NUP210: variants seen among roughly 807,000 people sequenced by gnomAD.
NUP210 encodes nucleoporin 210.
NUP210 carries 151 observed loss-of-function variants against 196.0 expected under a neutral mutation model. That is an observed-to-expected ratio of 0.77 (90% CI 0.67 to 0.88). The LOEUF (loss-of-function observed/expected upper bound fraction) is 0.88. Among genes scored for constraint, NUP210 ranks in the 40% least tolerant of loss-of-function variants. The pLI is 0.00. For synonymous variants in NUP210, 1,070 were observed against 1,052.7 expected (o/e 1.02, Z -0.32); for missense variants, 2,314 against 2,493.7 (o/e 0.93, Z 1.53).
At chr3:13,383,074 G>A (rs1163979748) in intron 6 of NUP210, among the ~76,000 whole-genome samples, 2 of 152,072 alleles carry the variant, frequency 1.3e-5, no homozygotes, top group African/African-American at 2.4e-5. Context: ...AGCCTGGGAG[G>A]TCAAAGCTGC....
intron 28 of NUP210, among the ~76,000 whole-genome samples, chr3:13,333,745 C>T (rs933520639): frequency 1.3e-5 from 2 of 152,228 alleles, no homozygotes; most frequent in African/African-American, 4.8e-5. Context: ...CTGAGTCTGA[C>T]TCGGACACAC....
At position 13,350,533 on chromosome 3, in the gene NUP210, A is replaced by T. The variant is rs1194816995; in HGVS notation, c.2835+1346T>A. On this transcript the variant is annotated intron_variant, in intron 20 of 39. Coordinates refer to ENST00000254508, the MANE Select transcript of NUP210 (RefSeq NM_024923.4). The surrounding 1 kb of genome is among the most constrained non-coding windows in gnomAD (Gnocchi z 4.1). ...CCGTACTCCAGAAAAAAGGCAGATG[A>T]CAGAAACTGTCTGTGAGGGCCACCA... is the stretch of plus-strand genomic sequence containing the variant. Among the ~76,000 whole-genome samples the T allele has an allele frequency of 6.6e-6, 1 of 152,138 alleles. No homozygotes were observed. Among genetic ancestry groups the T allele is most frequent in the African/African-American group, 2.4e-5 (1 of 41,414 alleles).
At chr3:13,349,212 C>T (rs1054022851) in intron 20 of NUP210, among the ~76,000 whole-genome samples, 1 of 152,178 alleles carries the variant, frequency 6.6e-6, no homozygotes, top group Non-Finnish European at 1.5e-5. Context: ...CCCTGACCTC[C>T]CACCCCAGTG....
rs1195231920 is a variant in NUP210 at position 13,348,427 on chromosome 3, A to G, written c.2835+3452T>C. 2 of 985,318 alleles carry G rather than the reference A, an allele frequency of 2.0e-6. No homozygotes were observed. The highest frequency in any genetic ancestry group is 1.1e-4 in the East Asian group (1 of 8,834). The allele number at this position is 985,318 out of a possible 1,614,324, so 61.0% of individuals were successfully genotyped here. A position where few individuals can be genotyped will look rare whatever the true frequency, so the allele number is the denominator to read the frequency against. The stretch of plus-strand genomic sequence containing the variant: ...GACAGGTGCAAGGTAAATGTGAATG[A>G]GAGTGTGCCTCGGTTTCACTGGCAC... On this transcript the variant is annotated intron_variant, in intron 20 of 39. Transcript: ENST00000254508. The surrounding 1 kb of genome is among the most constrained non-coding windows in gnomAD (Gnocchi z 4.0).
intron 13 of NUP210, among the ~76,000 whole-genome samples, chr3:13,367,394 C>A (rs193054755): frequency 7.9e-5 from 12 of 152,276 alleles, no homozygotes; most frequent in Non-Finnish European, 8.8e-5. Context: ...GAGAACGCAC[C>A]ATTGCACTCC....
At chr3:13,414,903 T>C (rs1302880538) in intron 1 of NUP210, among the ~76,000 whole-genome samples, 2 of 152,230 alleles carry the variant, frequency 1.3e-5, no homozygotes, top group Non-Finnish European at 2.9e-5. Context: ...GCTGCTTCAC[T>C]GTCACATCCC....
At chr3:13,373,178 G>A (rs1444462964) in intron 12 of NUP210, among the ~76,000 whole-genome samples, 2 of 152,244 alleles carry the variant, frequency 1.3e-5, no homozygotes, top group Non-Finnish European at 2.9e-5. Context: ...CCTGGGGTCA[G>A]TGGCCACAGG....
In NUP210 at chr3:13,340,152, C is replaced by T. The variant is rs2124859068; in HGVS notation, c.3291+84G>A. The T allele has an allele frequency of 6.2e-7, 1 of 1,605,218 alleles. No homozygotes were observed. The highest frequency in any genetic ancestry group is 8.5e-7 in the Non-Finnish European group (1 of 1,174,062). ...TTCTGCCTTCTTCTCCCAGTCACTG[C>T]ACGCAGGGCCAGAGGCGGCGTGCCT... is the stretch of plus-strand genomic sequence containing the variant. On this transcript the variant is annotated intron_variant, in intron 24 of 39. Coordinates refer to ENST00000254508, the MANE Select transcript of NUP210 (RefSeq NM_024923.4). This position sits in a 1 kb window ranked among gnomAD's most constrained non-coding sequence, Gnocchi z 4.0.
In NUP210 at chr3:13,330,829, A is replaced by G. The variant is rs115975737; in HGVS notation, c.3936-195T>C. Among the ~76,000 whole-genome samples, 166 of 152,320 alleles carry G rather than the reference A, an allele frequency of 1.1e-3. 1 individual carries two copies. The highest frequency in any genetic ancestry group is 3.9e-3 in the African/African-American group (164 of 41,564). ...TTCATCAGTCACCCACGGAAAAGTA[A>G]TTCAGAAATCCAATGGTTCCGAGCA... On this transcript the variant is annotated intron_variant, in intron 29 of 39. Transcript: ENST00000254508.
At chr3:13,418,967 A>G (rs1559354560) in intron 1 of NUP210, among the ~76,000 whole-genome samples, 1 of 148,898 alleles carries the variant, frequency 6.7e-6, no homozygotes, top group African/African-American at 2.5e-5. Context: ...AAAAAAAAAA[A>G]AAAAAAGAAA....
At chr3:13,399,690 C>T (rs1448040370) in intron 2 of NUP210, 35 bp downstream of exon 2, 2 of 1,613,000 alleles carry the variant, frequency 1.2e-6, no homozygotes, top group East Asian at 2.2e-5. Context: ...GTCTCTGGCT[C>T]CCACCGGGGA....
At chr3:13,327,801 GC>G (rs1379179386) in intron 31 of NUP210, among the ~76,000 whole-genome samples, 1 of 152,268 alleles carries the variant, frequency 6.6e-6, no homozygotes, top group East Asian at 1.9e-4. Context: ...AGGGAAGGCT[GC>G]CCTTACTATG....
chr3:13,330,662 T>C, intron 29 of NUP210, 28 bp from the exon 30 acceptor site: 1 of 1,607,404 alleles, frequency 6.2e-7, no homozygotes, highest in Non-Finnish European at 8.5e-7. Context: ...GAGCTGTTTT[T>C]GTAGATGGCA....
chr3:13,390,838 C>T (rs536332865), intron 4 of NUP210, among the ~76,000 whole-genome samples: 4 of 152,362 alleles, frequency 2.6e-5, no homozygotes, highest in African/African-American at 7.2e-5. Context: ...CCCACCGGCA[C>T]AGCTGGCCTG....
chr3:13,356,035 C>G (rs1698161869), intron 16 of NUP210, among the ~76,000 whole-genome samples: 1 of 152,210 alleles, frequency 6.6e-6, no homozygotes, highest in Non-Finnish European at 1.5e-5. Flanking sequence ...GCCCAAGGAC[C>G]TCCCCTGACT....
intron 32 of NUP210, among the ~76,000 whole-genome samples, chr3:13,326,854 G>C (rs1271711451): frequency 6.6e-6 from 1 of 152,266 alleles, no homozygotes; most frequent in Admixed American, 6.5e-5. Flanking sequence ...CACCGACTTG[G>C]CAGAGCTGTT....
Position 13,325,885 on chromosome 3 carries a change from G to T in NUP210, c.4554C>A (p.Ile1518=), listed in dbSNP as rs372792504. ...WSSSANSILH[I]DPKTGVAVAR... ...CCACAGCCACACCCGTCTTGGGGTC[G>T]ATGTGGAGGATGCTGTTGGCCGAGG... Residue 1518 remains isoleucine, a synonymous_variant, in exon 33 of 40, where the codon ATC becomes ATA. Transcript: ENST00000254508. The T allele has an allele frequency of 6.8e-6, 11 of 1,613,978 alleles. No individual in the cohort carries two copies. Among genetic ancestry groups the T allele is most frequent in the Non-Finnish European group, 9.3e-6 (11 of 1,180,032 alleles).
chr3:13,376,358 T>C lies in NUP210; in HGVS notation c.1226A>G (p.His409Arg), dbSNP rs751883583. ...VLSSSQNGSY[H>R]RIRALKRGQT... ...TCCCCTCTTTAGTGCCCTGATGCGA[T>C]GGTATGACCCATTCTGGGAGGACGA... The change falls in exon 10 of 40, where the codon CAT becomes CGT. Residue 409 changes from histidine (H) to arginine (R), a missense_variant. Transcript: ENST00000254508. The C allele has an allele frequency of 1.2e-6, 2 of 1,614,200 alleles. No homozygotes were observed. The highest frequency in any genetic ancestry group is 1.7e-6 in the Non-Finnish European group (2 of 1,180,014).
Position 13,317,554 on chromosome 3 carries a change from G to T in NUP210, c.*127C>A. 2.8e-6 allele frequency: 2 copies of T among 715,536 alleles called. No homozygotes were observed. The highest frequency in any genetic ancestry group is 4.9e-6 in the Non-Finnish European group (2 of 405,138). 44.3% of individuals were successfully genotyped at this position (715,536 alleles called of 1,614,324 possible). A position where few individuals can be genotyped will look rare whatever the true frequency, so the allele number is the denominator to read the frequency against. ...CAGCTCTGTGTGAAGAGACGGCAGT[G>T]AAGCTGGCCTGGGGCCGGGGCACTC... On this transcript the variant is annotated 3_prime_UTR_variant, in exon 40 of 40. Transcript: ENST00000254508.
Sources: allele counts gnomAD v4.1 joint callset (sites outside exome capture counted in the v4.1 genomes callset), GRCh38; gene constraint gnomAD v4.1.1; non-coding constraint Gnocchi (gnomAD v3.1); transcripts MANE v1.5; gene names NCBI Gene and HGNC (gene_info 2026-07-23, HGNC 2026-07-21).